Variants in PPP2R2C observed in about 807,000 individuals in gnomAD.
The protein encoded by PPP2R2C is protein phosphatase 2, regulatory subunit B, gamma.
In PPP2R2C, 10 loss-of-function variants were observed where a neutral mutation model predicts 45.3. That is an observed-to-expected ratio of 0.22 (90% CI 0.14 to 0.37). The LOEUF (loss-of-function observed/expected upper bound fraction) is 0.37. Among genes scored for constraint, PPP2R2C ranks in the 10% least tolerant of loss-of-function variants. The pLI is 1.00. For missense variants in PPP2R2C, 308 were observed against 619.7 expected (o/e 0.50, Z 5.34); for synonymous variants, 257 against 245.4 (o/e 1.05, Z -0.44).
At chr4:6,421,093 TTCTC>T (rs961709384) in intron 1 of PPP2R2C, 10 of 985,198 alleles carry the variant, frequency 1.0e-5, no homozygotes, top group South Asian at 9.4e-5. Context: ...GGCCACACCT[TTCTC>T]TCTGTTTCCC....
intron 6 of PPP2R2C, among the ~76,000 whole-genome samples, chr4:6,346,317 G>C (rs929677034): frequency 6.6e-6 from 1 of 152,168 alleles, no homozygotes; most frequent in Non-Finnish European, 1.5e-5. Flanking sequence ...TACAGGCAAT[G>C]TGTGGAGTCA....
intron 8 of PPP2R2C, among the ~76,000 whole-genome samples, chr4:6,326,422 G>A (rs1214059795): frequency 1.3e-5 from 2 of 152,172 alleles, no homozygotes; most frequent in African/African-American, 4.8e-5. Flanking sequence ...CGCTCGGCTG[G>A]CACAAATCTC....
At chr4:6,384,040 A>T in intron 1 of PPP2R2C, 3 of 985,510 alleles carry the variant, frequency 3.0e-6, no homozygotes, top group Non-Finnish European at 3.6e-6. Flanking sequence ...ACAAGATAAG[A>T]AAAGCAGCTC....
At chr4:6,430,291 G>C (rs953754094) in intron 1 of PPP2R2C, among the ~76,000 whole-genome samples, 1 of 152,184 alleles carries the variant, frequency 6.6e-6, no homozygotes, top group African/African-American at 2.4e-5. Context: ...CCAGGAGGAA[G>C]CTGAGGCCCA....
At chr4:6,444,453 T>G (rs1354116492) in intron 1 of PPP2R2C, among the ~76,000 whole-genome samples, 1 of 152,142 alleles carries the variant, frequency 6.6e-6, no homozygotes, top group Non-Finnish European at 1.5e-5. Context: ...CCAGATCCCC[T>G]GGATATTAAG....
chr4:6,337,067 G>A lies in PPP2R2C; in HGVS notation c.791-3336C>T, dbSNP rs1164248696. On this transcript the variant is annotated intron_variant, in intron 6 of 8. Transcript: ENST00000382599. ...CTCACATGATAATGTTTTGTGCCCC[G>A]ATAATAATAATTAAATTGGCATCTT... Among the ~76,000 whole-genome samples the A allele has an allele frequency of 4.7e-4, 46 of 98,424 alleles. 2 individuals carry two copies. The highest frequency in any genetic ancestry group is 1.2e-3 in the African/African-American group (32 of 26,466). 64.6% of individuals were successfully genotyped at this position (98,424 alleles called of 152,430 possible).
At chr4:6,404,005 C>A (rs10021738) in intron 1 of PPP2R2C, among the ~76,000 whole-genome samples, 7 of 152,164 alleles carry the variant, frequency 4.6e-5, no homozygotes, top group African/African-American at 1.7e-4. Flanking sequence ...CTGCCACCAC[C>A]TAGCTGTGTG....
At chr4:6,336,527 C>T (rs1246361449) in intron 6 of PPP2R2C, among the ~76,000 whole-genome samples, 1 of 151,936 alleles carries the variant, frequency 6.6e-6, no homozygotes, top group Non-Finnish European at 1.5e-5. Flanking sequence ...GAGGGGGTTG[C>T]AGCCAGGCCT....
At position 6,330,174 on chromosome 4, in the gene PPP2R2C, T is replaced by G. The variant is rs1335675036; in HGVS notation, c.961-821A>C. 6.6e-6 allele frequency among the ~76,000 whole-genome samples: 1 copy of G among 152,148 alleles called. No individual in the cohort carries two copies. Among genetic ancestry groups the G allele is most frequent in the African/African-American group, 2.4e-5 (1 of 41,438 alleles). ...TGACTGCAGCCGGTCCTACAAGCCC[T>G]GTACCCGGAGGGCCGCATGAGTGCC... On this transcript the variant is annotated intron_variant, in intron 7 of 8. Coordinates refer to ENST00000382599, the MANE Select transcript of PPP2R2C (RefSeq NM_020416.4). The surrounding 1 kb of genome is among the most constrained non-coding windows in gnomAD (Gnocchi z 7.0).
upstream of PPP2R2C, among the ~76,000 whole-genome samples, chr4:6,473,766 T>C (rs1210771473): frequency 6.6e-6 from 1 of 152,162 alleles, no homozygotes; most frequent in Admixed American, 6.5e-5. Context: ...ACTGGGGCTG[T>C]GGGAAAGACG....
intron 1 of PPP2R2C, among the ~76,000 whole-genome samples, chr4:6,390,657 A>G (rs1716559950): frequency 6.6e-6 from 1 of 152,198 alleles, no homozygotes; most frequent in South Asian, 2.1e-4. Context: ...TCCAAGGGCG[A>G]TCAGAAAGAC....
At chr4:6,517,049 C>T (rs1404588843) in intron 2 of PPP2R2C, among the ~76,000 whole-genome samples, 2 of 152,214 alleles carry the variant, frequency 1.3e-5, no homozygotes, top group Non-Finnish European at 2.9e-5. Flanking sequence ...CCCACGCCCA[C>T]ACTCCCAGGA....
intron 1 of PPP2R2C, among the ~76,000 whole-genome samples, chr4:6,396,264 G>C (rs958605671): frequency 6.6e-6 from 1 of 152,190 alleles, no homozygotes; most frequent in Non-Finnish European, 1.5e-5. Context: ...CTTCCACTGT[G>C]GGACAGCCAT....
intron 1 of PPP2R2C, among the ~76,000 whole-genome samples, chr4:6,457,343 G>C (rs1721098346): frequency 6.6e-6 from 1 of 151,984 alleles, no homozygotes; most frequent in South Asian, 2.1e-4. Flanking sequence ...TTTATGGACA[G>C]TTACAAATGT....
At chr4:6,545,219 G>A (rs1388899037) in intron 1 of PPP2R2C, among the ~76,000 whole-genome samples, 1 of 152,208 alleles carries the variant, frequency 6.6e-6, no homozygotes, top group Non-Finnish European at 1.5e-5. Flanking sequence ...ATTCATTTCA[G>A]AAGTTCTACC....
At position 6,329,360 on chromosome 4, in the gene PPP2R2C, G is replaced by C; in HGVS notation, c.961-7C>G. ...TCCGAAGGTAGTCATGGACCTGGTG[G>C]GATAAGGGATGAGGTGAGTGGACGG... On this transcript the variant is annotated splice_region_variant and splice_polypyrimidine_tract_variant and intron_variant, in intron 7 of 8. Coordinates refer to ENST00000382599, the MANE Select transcript of PPP2R2C (RefSeq NM_020416.4). This position sits in a 1 kb window ranked among gnomAD's most constrained non-coding sequence, Gnocchi z 5.8. 1 of 1,612,462 alleles carries C rather than the reference G, an allele frequency of 6.2e-7. No homozygotes were observed. Among genetic ancestry groups the C allele is most frequent in the Non-Finnish European group, 8.5e-7 (1 of 1,178,438 alleles).
Position 6,378,489 on chromosome 4 carries a change from C to T in PPP2R2C, c.252G>A (p.Lys84=). 1.9e-6 allele frequency: 3 copies of T among 1,614,186 alleles called. No individual in the cohort carries two copies. Among genetic ancestry groups the T allele is most frequent in the Non-Finnish European group, 2.5e-6 (3 of 1,180,046 alleles). ...QSHEPEFDYL[K]SLEIEEKINK... ...TGATCTTCTCCTCTATCTCCAGGCT[C>T]TTGAGATAGTCAAACTCCGGCTCGT... Residue 84 remains lysine, a synonymous_variant, in exon 3 of 9, where the codon AAG becomes AAA. Coordinates refer to ENST00000382599, the MANE Select transcript of PPP2R2C (RefSeq NM_020416.4). This position sits in a 1 kb window ranked among gnomAD's most constrained non-coding sequence, Gnocchi z 5.2.
intron 6 of PPP2R2C, among the ~76,000 whole-genome samples, chr4:6,337,653 G>C (rs1445198980): frequency 6.6e-6 from 1 of 152,116 alleles, no homozygotes. Context: ...AGAATCACAG[G>C]GGGCACCGGT....
intron 2 of PPP2R2C, among the ~76,000 whole-genome samples, chr4:6,495,973 C>T (rs779293345): frequency 1.6e-4 from 25 of 152,192 alleles, no homozygotes; most frequent in South Asian, 2.1e-4. Context: ...CCCCTCCCGG[C>T]TCTCCATGGC....
Sources: allele counts gnomAD v4.1 joint callset (sites outside exome capture counted in the v4.1 genomes callset), GRCh38; gene constraint gnomAD v4.1.1; non-coding constraint Gnocchi (gnomAD v3.1); transcripts MANE v1.5; gene names NCBI Gene and HGNC (gene_info 2026-07-23, HGNC 2026-07-21).